Variants in HUWE1 observed in about 807,000 individuals in gnomAD.
The protein encoded by HUWE1 is E3 ubiquitin-protein ligase HUWE1.
A neutral mutation model predicts 299.4 loss-of-function variants in HUWE1; 18 were observed. The ratio of observed to expected loss-of-function variants is 0.06; its 90% CI spans 0.04 to 0.09. The LOEUF (loss-of-function observed/expected upper bound fraction) is 0.09, where lower values mean the gene tolerates loss of function less well. Among genes scored for constraint, HUWE1 ranks in the 10% least tolerant of loss-of-function variants. HUWE1 has a pLI of 1.00. For synonymous variants in HUWE1, 1,317 were observed against 1,286.1 expected (o/e 1.02, Z -0.51); for missense variants, 1,832 against 3,462.3 (o/e 0.53, Z 11.82).
At chrX:53,583,459 T>C in intron 42 of HUWE1, 99 bp downstream of exon 42, 3 of 634,762 alleles carry the variant, frequency 4.7e-6, no homozygotes, top group Non-Finnish European at 8.0e-6. Flanking sequence ...TATCTAGCTA[T>C]ATACCCTAAG....
chrX:53,686,107 A>C (rs1406534959), intron 2 of HUWE1, among the ~76,000 whole-genome samples, 163 bp downstream of exon 2: 1 of 112,655 alleles, frequency 8.9e-6, no homozygotes. Context: ...TTTAGATATC[A>C]AAACATATAT....
At chrX:53,614,938 TTAAA>T (rs1350677812) in intron 22 of HUWE1, among the ~76,000 whole-genome samples, 193 bp from the exon 23 acceptor site, 8 of 110,785 alleles carry the variant, frequency 7.2e-5, no homozygotes, top group Middle Eastern at 4.6e-3. Context: ...TGCTGCAAAC[TTAAA>T]TAATTTGTTG....
At chrX:53,648,927 T>C (rs1475659133) in intron 4 of HUWE1, among the ~76,000 whole-genome samples, 1 of 112,248 alleles carries the variant, frequency 8.9e-6, no homozygotes, top group African/African-American at 3.2e-5. Context: ...TGGGTCCATT[T>C]GTCAGGTAAC....
At chrX:53,630,098 A>G (rs1458108742) in intron 12 of HUWE1, among the ~76,000 whole-genome samples, 2 of 112,222 alleles carry the variant, frequency 1.8e-5, no homozygotes, top group Non-Finnish European at 3.8e-5. Flanking sequence ...TTCCACGATG[A>G]GGTTAATACC....
intron 19 of HUWE1, among the ~76,000 whole-genome samples, chrX:53,621,599 A>G (rs781916397): frequency 9.2e-6 from 1 of 108,490 alleles, no homozygotes; most frequent in South Asian, 4.1e-4. Context: ...ATAACTCATC[A>G]TAACTCCACT....
At position 53,558,680 on chromosome X, in the gene HUWE1, T is replaced by A; in HGVS notation, c.8135A>T (p.Lys2712Met). 8.3e-7 allele frequency: 1 copy of A among 1,210,841 alleles called. No homozygotes were observed. The highest frequency in any genetic ancestry group is 1.1e-6 in the Non-Finnish European group (1 of 894,560). Residue 2712 changes from lysine to methionine, a missense_variant, in exon 59 of 84, where the codon AAG (lysine) becomes ATG (methionine). Physicochemically the swap from Lys to Met is moderately conservative, Grantham distance 95. Coordinates refer to ENST00000262854, the MANE Select transcript of HUWE1 (RefSeq NM_031407.7). Reference sequence around the variant, plus strand: ...CTGTGCACTCTGATCCCTGTTCTCCTTATCTTCTTTGCCTTTATCAGTTAT... The same window carrying A: ...CTGTGCACTCTGATCCCTGTTCTCCATATCTTCTTTGCCTTTATCAGTTAT... ...TKITDKGKED[K>M]ENRDQSAQCT...
At position 53,675,943 on chromosome X, in the gene HUWE1, G is replaced by C. The variant is rs185198632; in HGVS notation, c.-25+4106C>G. Among the ~76,000 whole-genome samples, 4 of 111,293 alleles carry C rather than the reference G, an allele frequency of 3.6e-5. No homozygotes were observed. In the East Asian group the frequency reaches 1.1e-3, roughly 32 times the overall value. On this transcript the variant is annotated intron_variant, in intron 3 of 83. Transcript: ENST00000262854. ...CAATGTAATACACATTACAGAACTAGCTAAGACCCTTCAGAGGGTATAAAT... is the reference window on the plus strand; with the variant it reads ...CAATGTAATACACATTACAGAACTACCTAAGACCCTTCAGAGGGTATAAAT...
intron 4 of HUWE1, among the ~76,000 whole-genome samples, chrX:53,650,869 C>T (rs2068413973): frequency 9.0e-6 from 1 of 111,543 alleles, no homozygotes; most frequent in African/African-American, 3.3e-5. Context: ...AAGTAACTTG[C>T]TAGTAACTAG....
At chrX:53,642,091 T>C (rs1175575586) in intron 7 of HUWE1, among the ~76,000 whole-genome samples, 1 of 111,624 alleles carries the variant, frequency 9.0e-6, no homozygotes, top group African/African-American at 3.3e-5. Context: ...GTTATGTGAA[T>C]GTGGCTTCTC....
In HUWE1 at chrX:53,586,773, G is replaced by A. The variant is rs781795562; in HGVS notation, c.4742+9C>T. The A allele has an allele frequency of 1.3e-5, 16 of 1,211,134 alleles. No homozygotes were observed. Among genetic ancestry groups the A allele is most frequent in the Non-Finnish European group, 1.7e-5 (15 of 895,084 alleles). ...GAAACGAAACTAGGGTAGATATAGGGTTACTCACTTTGGGGTCTGGACTTC... is the reference window on the plus strand; with the variant it reads ...GAAACGAAACTAGGGTAGATATAGGATTACTCACTTTGGGGTCTGGACTTC... On this transcript the variant is annotated intron_variant, in intron 38 of 83. Coordinates refer to ENST00000262854, the MANE Select transcript of HUWE1 (RefSeq NM_031407.7).
chrX:53,547,809 G>T lies in HUWE1; in HGVS notation c.10500C>A (p.Thr3500=). The part of the protein sequence containing the change: ...TSTTTTTAAS[T]TPTPPTAPTP... Reference sequence around the variant, plus strand: ...TGGGTGCAGTAGGGGGTGTGGGCGTGGTGGAGGCGGCAGTGGTGGTGGTGG... The same window carrying T: ...TGGGTGCAGTAGGGGGTGTGGGCGTTGTGGAGGCGGCAGTGGTGGTGGTGG... The change falls in exon 68 of 84, where the codon ACC becomes ACA. Residue 3500 remains threonine, a synonymous_variant. Transcript: ENST00000262854. 1 of 1,199,365 alleles carries T rather than the reference G, an allele frequency of 8.3e-7. No individual in the cohort carries two copies. The highest frequency in any genetic ancestry group is 1.8e-5 in the South Asian group (1 of 55,362).
chrX:53,557,821 T>C (rs2062098578), intron 59 of HUWE1, among the ~76,000 whole-genome samples: 1 of 111,899 alleles, frequency 8.9e-6, no homozygotes. Flanking sequence ...CACTTATTTT[T>C]CATCCTATAT....
intron 2 of HUWE1, among the ~76,000 whole-genome samples, chrX:53,683,337 T>TA (rs1240918190): frequency 9.0e-6 from 1 of 111,020 alleles, no homozygotes; most frequent in East Asian, 2.8e-4. Context: ...GCCTTAGCTC[T>TA]AAAACCGCGA....
At position 53,614,649 on chromosome X, in the gene HUWE1, G is replaced by C; in HGVS notation, c.2146C>G (p.Pro716Ala). The C allele has an allele frequency of 3.3e-6, 4 of 1,207,701 alleles. No homozygotes were observed. The highest frequency in any genetic ancestry group is 4.5e-6 in the Non-Finnish European group (4 of 891,841). Residue 716 changes from proline (P) to alanine (A), a missense_variant, in exon 23 of 84, where the codon CCA (proline) becomes GCA (alanine). This residue lies in a region of HUWE1 where 658 missense variants were observed against 1,282.6 expected (regional missense o/e 0.51). Transcript: ENST00000262854. ...KADGTATAPP[P>A]RSNHAAEEAS... ...TCTTCTGCGGCATGATTAGACCTTGGGGGAGGAGCAGTGGCAGTGCCATCT... is the reference window on the plus strand; with the variant it reads ...TCTTCTGCGGCATGATTAGACCTTGCGGGAGGAGCAGTGGCAGTGCCATCT...
chrX:53,677,049 C>T (rs1182980071), intron 3 of HUWE1, among the ~76,000 whole-genome samples: 1 of 107,988 alleles, frequency 9.3e-6, no homozygotes, highest in African/African-American at 3.4e-5. Context: ...TTCAAGTCAT[C>T]GTAACATAAT....
intron 78 of HUWE1, 99 bp downstream of exon 78, chrX:53,537,457 G>A: frequency 1.1e-6 from 1 of 870,590 alleles, no homozygotes; most frequent in Non-Finnish European, 1.7e-6. Flanking sequence ...ATTAGGGAGG[G>A]CAGCACCTCC....
chrX:53,610,176 G>C (rs931081619), intron 23 of HUWE1, among the ~76,000 whole-genome samples: 9 of 111,599 alleles, frequency 8.1e-5, no homozygotes, highest in Admixed American at 1.9e-4. Context: ...TCGATAAGGA[G>C]TGCAGGTGTG....
intron 47 of HUWE1, among the ~76,000 whole-genome samples, chrX:53,571,064 A>C (rs1396327427): frequency 1.8e-5 from 2 of 112,234 alleles, no homozygotes; most frequent in Non-Finnish European, 3.8e-5. Context: ...GCTACTCTGT[A>C]GTATGGTCCC....
intron 21 of HUWE1, among the ~76,000 whole-genome samples, chrX:53,616,213 G>T (rs2065792706): frequency 9.1e-6 from 1 of 109,752 alleles, no homozygotes. Flanking sequence ...AGGCTGTTGT[G>T]ATATTTTTTT....
Sources: allele counts gnomAD v4.1 joint callset (sites outside exome capture counted in the v4.1 genomes callset), GRCh38; gene constraint gnomAD v4.1.1; regional missense constraint gnomAD v4.1.1; transcripts MANE v1.5; gene names NCBI Gene and HGNC (gene_info 2026-07-23, HGNC 2026-07-21).